The following PDE3A variants were observed in gnomAD, a reference collection of about 807,000 sequenced individuals.
The protein encoded by PDE3A is phosphodiesterase 3A.
PDE3A carries 43 observed loss-of-function variants against 98.3 expected under a neutral mutation model. The ratio of observed to expected loss-of-function variants is 0.44; its 90% confidence interval spans 0.34 to 0.56. The LOEUF (loss-of-function observed/expected upper bound fraction) is 0.56, where lower values mean the gene tolerates loss of function less well. Ranked by LOEUF, PDE3A falls within the 20% of genes least tolerant of loss-of-function variation. The probability of loss-of-function intolerance (pLI) is 0.01; values close to 1 mark genes in which losing one functional copy is unlikely to be tolerated. For synonymous variants in PDE3A, 663 were observed against 567.9 expected (o/e 1.17, Z -2.38); for missense variants, 1,427 against 1,440.7 (o/e 0.99, Z 0.15).
chr12:20,556,748 CG>C, intron 2 of PDE3A, 38 bp downstream of exon 2: 1 of 1,487,486 alleles, frequency 6.7e-7, no homozygotes, highest in Non-Finnish European at 9.4e-7. Context: ...CGTTTCGTTT[CG>C]TAACACTTTC....
intron 10 of PDE3A, 80 bp from the exon 11 acceptor site, chr12:20,646,410 G>C (rs946041439): frequency 1.3e-6 from 1 of 795,254 alleles, no homozygotes. Context: ...GGACTAAACT[G>C]TTTGTCCAGT....
chr12:20,633,421 C>T (rs1944427065), intron 6 of PDE3A, among the ~76,000 whole-genome samples: 1 of 152,076 alleles, frequency 6.6e-6, no homozygotes. Context: ...ATCACTTTCA[C>T]CTCAAATATG....
chr12:20,536,171 G>A (rs1941743103), intron 1 of PDE3A, among the ~76,000 whole-genome samples: 1 of 152,028 alleles, frequency 6.6e-6, no homozygotes, highest in Non-Finnish European at 1.5e-5. Context: ...TTAGAAATAA[G>A]CCATGCTTAT....
intron 1 of PDE3A, among the ~76,000 whole-genome samples, chr12:20,486,271 C>T (rs982321817): frequency 2.0e-5 from 3 of 152,102 alleles, no homozygotes; most frequent in Non-Finnish European, 2.9e-5. Flanking sequence ...GGAAGCAATG[C>T]ACCTTCTTCG....
intron 1 of PDE3A, among the ~76,000 whole-genome samples, chr12:20,460,866 A>C (rs1945235467): frequency 6.6e-6 from 1 of 152,056 alleles, no homozygotes; most frequent in African/African-American, 2.4e-5. Context: ...ATAAGCAAAC[A>C]CTAGCTTCCC....
chr12:20,446,346 G>T (rs924023656), intron 1 of PDE3A, among the ~76,000 whole-genome samples: 1 of 152,184 alleles, frequency 6.6e-6, no homozygotes, highest in African/African-American at 2.4e-5. Flanking sequence ...GGAACCATGT[G>T]TTGAGTGTTT....
At chr12:20,578,725 T>A (rs1233445399) in intron 2 of PDE3A, among the ~76,000 whole-genome samples, 1 of 152,106 alleles carries the variant, frequency 6.6e-6, no homozygotes, top group Non-Finnish European at 1.5e-5. Flanking sequence ...CCTCTGTCTA[T>A]CGTTCTCTGA....
rs76655602 is a variant in PDE3A at position 20,640,705 on chromosome 12, G to A, written c.2251+748G>A. On this transcript the variant is annotated intron_variant, in intron 10 of 15. Transcript: ENST00000359062. ...ATTATGTAGCATTTCAGGAATCATC[G>A]ATTATAACACATAAGTAAAATGGTC... Among the ~76,000 whole-genome samples the A allele has an allele frequency of 3.1e-3, 472 of 152,116 alleles. 4 individuals carry two copies. The highest frequency in any genetic ancestry group is 0.011 in the African/African-American group (444 of 41,538).
intron 15 of PDE3A, among the ~76,000 whole-genome samples, chr12:20,678,272 G>T (rs1945689100): frequency 6.6e-6 from 1 of 152,182 alleles, no homozygotes; most frequent in Admixed American, 6.5e-5. Context: ...TGAGCAGGCT[G>T]CCTTACTTCT....
intron 1 of PDE3A, 37 bp from the exon 2 acceptor site, chr12:20,556,623 A>G: frequency 7.4e-7 from 1 of 1,356,392 alleles, no homozygotes; most frequent in Non-Finnish European, 1.1e-6. Context: ...GTCAGGTAAA[A>G]TAATCATTTA....
chr12:20,533,478 CTT>C (rs10707682), intron 1 of PDE3A, among the ~76,000 whole-genome samples: 131 of 124,594 alleles, frequency 1.1e-3, no homozygotes, highest in Non-Finnish European at 1.2e-3. Context: ...GTTTCTTTTT[CTT>C]TTTTTTTTTT....
Position 20,682,939 on chromosome 12 carries a change from G to A in PDE3A, c.*2668G>A, listed in dbSNP as rs1038177728. 1 of 152,184 alleles carries A rather than the reference G, an allele frequency of 6.6e-6. No individual in the cohort carries two copies. The highest frequency in any genetic ancestry group is 1.5e-5 in the Non-Finnish European group (1 of 68,042). 9.4% of individuals were successfully genotyped at this position (152,184 alleles called of 1,614,324 possible). A position where few individuals can be genotyped will look rare whatever the true frequency, so the allele number is the denominator to read the frequency against. ...GCTGTATAGTCCAACTAGTGGGGCA[G>A]CTTGGCTACTATGGTGGAAGTCTCA... On this transcript the variant is annotated 3_prime_UTR_variant, in exon 16 of 16. Transcript: ENST00000359062.
rs1946022765 is a variant in PDE3A at position 20,687,942 on chromosome 12, C to T, written c.*7671C>T. ...AAAAAAAAAAAAAAAAAAAAACTGG[C>T]ATTGGCAAGTTTTAATTAATATGGC... On this transcript the variant is annotated 3_prime_UTR_variant, in exon 16 of 16. Coordinates refer to ENST00000359062, the MANE Select transcript of PDE3A (RefSeq NM_000921.5). Among the ~76,000 whole-genome samples, 1 of 129,830 alleles carries T rather than the reference C, an allele frequency of 7.7e-6. No individual in the cohort carries two copies. Among genetic ancestry groups the T allele is most frequent in the South Asian group, 2.4e-4 (1 of 4,150 alleles). 85.2% of individuals were successfully genotyped at this position (129,830 alleles called of 152,430 possible). A position where few individuals can be genotyped will look rare whatever the true frequency, so the allele number is the denominator to read the frequency against.
At chr12:20,509,405 A>AC (rs1946176784) in intron 1 of PDE3A, among the ~76,000 whole-genome samples, 1 of 152,096 alleles carries the variant, frequency 6.6e-6, no homozygotes, top group South Asian at 2.1e-4. Context: ...TCTTCTGGGT[A>AC]CCCCTACATT....
rs558218808 is a variant in PDE3A at position 20,524,540 on chromosome 12, T to C, written c.961-32120T>C. 2.0e-5 allele frequency among the ~76,000 whole-genome samples: 3 copies of C among 152,304 alleles called. No homozygotes were observed. In the South Asian group the frequency reaches 6.2e-4, roughly 32 times the overall value. ...CAGCTTTTAAAATTTGTATAATAGC[T>C]AGTTTTTTATTTAAATTTTTAAATT... On this transcript the variant is annotated intron_variant, in intron 1 of 15. Transcript: ENST00000359062.
At chr12:20,582,336 A>G (rs1410274590) in intron 2 of PDE3A, among the ~76,000 whole-genome samples, 1 of 152,078 alleles carries the variant, frequency 6.6e-6, no homozygotes, top group Non-Finnish European at 1.5e-5. Context: ...GAATACAGGC[A>G]TGCACCACCA....
At chr12:20,674,960 T>G (rs996514058) in intron 15 of PDE3A, among the ~76,000 whole-genome samples, 7 of 152,074 alleles carry the variant, frequency 4.6e-5, no homozygotes, top group Non-Finnish European at 1.0e-4. Flanking sequence ...ATCTTTATTA[T>G]TTCTTTTATT....
intron 2 of PDE3A, among the ~76,000 whole-genome samples, chr12:20,558,712 T>C (rs576436755): frequency 2.0e-5 from 3 of 148,334 alleles, no homozygotes; most frequent in East Asian, 3.9e-4. Context: ...ATAATAATAA[T>C]AATAATAACA....
chr12:20,587,882 G>C (rs1286007347), intron 2 of PDE3A, among the ~76,000 whole-genome samples: 1 of 152,162 alleles, frequency 6.6e-6, no homozygotes, highest in African/African-American at 2.4e-5. Flanking sequence ...CATACAGATA[G>C]AAAAAGGCTT....
Sources: gnomAD v4.1 joint callset for allele counts (sites outside exome capture counted in the v4.1 genomes callset) on GRCh38, gnomAD v4.1.1 for gene constraint, MANE v1.5 for transcripts, NCBI Gene and HGNC (gene_info 2026-07-23, HGNC 2026-07-21) for gene names.